The following CELF2 variants were observed in gnomAD, a reference collection of about 807,000 sequenced individuals.
CELF2 encodes CUGBP Elav-like family member 2, also known as CUG triplet repeat RNA-binding protein 2.
CELF2 carries 8 observed loss-of-function variants against 62.6 expected under a neutral mutation model. That is an observed-to-expected ratio of 0.13 (90% CI 0.07 to 0.23). The LOEUF is 0.23. CELF2 is among the 10% of genes least tolerant of loss of function. The probability of loss-of-function intolerance (pLI) is 1.00; values close to 1 mark genes in which losing one functional copy is unlikely to be tolerated. For missense variants in CELF2, 333 were observed against 671.0 expected (o/e 0.50, Z 5.56); for synonymous variants, 258 against 250.0 (o/e 1.03, Z -0.30).
intron 1 of CELF2, among the ~76,000 whole-genome samples, chr10:10,893,153 C>A (rs1319853285): frequency 1.3e-5 from 2 of 152,172 alleles, no homozygotes; most frequent in African/African-American, 4.8e-5. Context: ...CAGCCCAAAT[C>A]CCAATGAGGG....
rs2061489296 is a variant in CELF2 at position 11,039,588 on chromosome 10, C to A, written c.74+21425C>A. Reference sequence around the variant, plus strand: ...CATCTTATTTTGTAAGCTTTACACGCTTCTAATGCATGTTACTGAAAACAA... The same window carrying A: ...CATCTTATTTTGTAAGCTTTACACGATTCTAATGCATGTTACTGAAAACAA... On this transcript the variant is annotated intron_variant, in intron 1 of 12. Coordinates refer to ENST00000633077, the MANE Select transcript of CELF2 (RefSeq NM_001326342.2). The surrounding 1 kb of genome is among the most constrained non-coding windows in gnomAD (Gnocchi z 4.1). Among the ~76,000 whole-genome samples, 1 of 152,112 alleles carries A rather than the reference C, an allele frequency of 6.6e-6. No individual in the cohort carries two copies. The highest frequency in any genetic ancestry group is 1.5e-5 in the Non-Finnish European group (1 of 68,020).
rs2065145136 is a variant in CELF2 at position 11,159,163 on chromosome 10, A to T, written c.75-6323A>T. On this transcript the variant is annotated intron_variant, in intron 1 of 12. Transcript: ENST00000633077. This position sits in a 1 kb window ranked among gnomAD's most constrained non-coding sequence, Gnocchi z 5.0. ...TCCATAATTTATGTGGCAGTGACTC[A>T]AAAGGTTTAGTACACATGATAAATG... is the stretch of plus-strand genomic sequence containing the variant. Among the ~76,000 whole-genome samples the T allele has an allele frequency of 1.3e-5, 2 of 152,248 alleles. No individual in the cohort carries two copies. Among genetic ancestry groups the T allele is most frequent in the African/African-American group, 4.8e-5 (2 of 41,470 alleles).
chr10:11,124,639 C>T (rs1227986644), intron 1 of CELF2, among the ~76,000 whole-genome samples: 1 of 152,144 alleles, frequency 6.6e-6, no homozygotes, highest in East Asian at 1.9e-4. Flanking sequence ...AAGCATCTGT[C>T]CCACATGCAT....
chr10:10,581,349 G>A, the CELF2 span, among the ~76,000 whole-genome samples: 9 of 152,156 alleles, frequency 5.9e-5, no homozygotes, highest in East Asian at 3.9e-4. Context: ...GAAAACTGCC[G>A]ATTTTGATCC....
the CELF2 span, among the ~76,000 whole-genome samples, chr10:10,561,639 C>A: frequency 0.029 from 4,384 of 152,194 alleles, 137 homozygotes; most frequent in East Asian, 0.096. Flanking sequence ...CAGATGGGGA[C>A]AACACCACTG....
chr10:11,078,941 A>G (rs1033016681), intron 1 of CELF2, among the ~76,000 whole-genome samples: 5 of 152,224 alleles, frequency 3.3e-5, no homozygotes, highest in African/African-American at 1.2e-4. Context: ...TGTTGGACCC[A>G]AAGAGATTTG....
the CELF2 span, among the ~76,000 whole-genome samples, chr10:10,604,474 T>G: frequency 1.3e-5 from 2 of 152,210 alleles, no homozygotes; most frequent in African/African-American, 2.4e-5. Context: ...GTAATAATTC[T>G]CAGAATCATT....
chr10:10,689,741 A>G, the CELF2 span, among the ~76,000 whole-genome samples: 1 of 152,320 alleles, frequency 6.6e-6, no homozygotes, highest in Non-Finnish European at 1.5e-5. Context: ...CTCCTCAAAC[A>G]AAGCCCTCTA....
In CELF2 at chr10:11,223,613, G is replaced by T. The variant is rs1402480718; in HGVS notation, c.354+6106G>T. ...TTGGAGATGACTTTTTAAGGACTGT[G>T]ACAGAGAGTAGCAGGGGGAGCTCCG... is the stretch of plus-strand genomic sequence containing the variant. On this transcript the variant is annotated intron_variant, in intron 3 of 12. Transcript: ENST00000633077. This position sits in a 1 kb window ranked among gnomAD's most constrained non-coding sequence, Gnocchi z 5.1. Among the ~76,000 whole-genome samples the T allele has an allele frequency of 6.6e-6, 1 of 152,210 alleles. No individual in the cohort carries two copies. Among genetic ancestry groups the T allele is most frequent in the African/African-American group, 2.4e-5 (1 of 41,444 alleles).
At chr10:10,952,410 C>T (rs2048421579) in intron 2 of CELF2, among the ~76,000 whole-genome samples, 1 of 152,088 alleles carries the variant, frequency 6.6e-6, no homozygotes, top group Non-Finnish European at 1.5e-5. Context: ...AGGGCTGGAG[C>T]CTCTTGAGGT....
the CELF2 span, among the ~76,000 whole-genome samples, chr10:10,465,540 T>A: frequency 6.6e-6 from 1 of 152,120 alleles, no homozygotes; most frequent in African/African-American, 2.4e-5. Context: ...ATGTAAGTAG[T>A]CTTAACAGCT....
chr10:10,496,618 C>T, the CELF2 span, among the ~76,000 whole-genome samples: 1 of 152,022 alleles, frequency 6.6e-6, no homozygotes, highest in Non-Finnish European at 1.5e-5. Flanking sequence ...AAGGAGGTCA[C>T]CAGACAGAAG....
In CELF2 at chr10:11,255,010, C is replaced by T. The variant is rs891910500; in HGVS notation, c.404-2728C>T. ...CAGAATCCTCCCATGTTAGTGAGCA[C>T]AGGCGGTGTAGACGGCCTGCAGCAG... On this transcript the variant is annotated intron_variant, in intron 4 of 12. Transcript: ENST00000633077. The surrounding 1 kb of genome is among the most constrained non-coding windows in gnomAD (Gnocchi z 5.5). 6.6e-6 allele frequency among the ~76,000 whole-genome samples: 1 copy of T among 152,212 alleles called. No individual in the cohort carries two copies. Among genetic ancestry groups the T allele is most frequent in the Non-Finnish European group, 1.5e-5 (1 of 68,038 alleles).
chr10:10,998,997 C>T (rs993998817), intron 2 of CELF2, among the ~76,000 whole-genome samples: 4 of 152,136 alleles, frequency 2.6e-5, no homozygotes, highest in African/African-American at 7.2e-5. Flanking sequence ...TTTCAACGTA[C>T]CCATATAAAT....
intron 3 of CELF2, among the ~76,000 whole-genome samples, chr10:11,240,744 T>C (rs2073562976): frequency 1.3e-5 from 2 of 152,216 alleles, no homozygotes; most frequent in African/African-American, 4.8e-5. Context: ...TGCACACACA[T>C]ATAAAGTATG....
the CELF2 span, among the ~76,000 whole-genome samples, chr10:10,744,763 T>G: frequency 6.6e-6 from 1 of 152,144 alleles, no homozygotes; most frequent in African/African-American, 2.4e-5. Flanking sequence ...GGTCAATTGT[T>G]ATTAATTTTG....
In CELF2 at chr10:11,196,907, C is replaced by T. The variant is rs560257929; in HGVS notation, c.272-20518C>T. Among the ~76,000 whole-genome samples the T allele has an allele frequency of 1.3e-3, 192 of 147,928 alleles. 2 individuals carry two copies. The highest frequency in any genetic ancestry group is 4.6e-3 in the African/African-American group (184 of 39,838). Reference sequence around the variant, plus strand: ...CTGGGAGGCGGAGGTTGCAGTGAGCCGAGATCGCACCACTGCACTCCAGCC... The same window carrying T: ...CTGGGAGGCGGAGGTTGCAGTGAGCTGAGATCGCACCACTGCACTCCAGCC... On this transcript the variant is annotated intron_variant, in intron 2 of 12. Transcript: ENST00000633077.
chr10:11,150,704 T>A (rs919055983), intron 1 of CELF2, among the ~76,000 whole-genome samples: 7 of 152,362 alleles, frequency 4.6e-5, no homozygotes, highest in African/African-American at 1.7e-4. Context: ...ACTTTTGCAT[T>A]TGCTTTTGAA....
the CELF2 span, among the ~76,000 whole-genome samples, chr10:10,719,431 T>G: frequency 5.3e-5 from 8 of 152,168 alleles, no homozygotes; most frequent in Admixed American, 2.0e-4. Context: ...GCTAATTTTT[T>G]TTGTTGTTGT....
Sources: allele counts gnomAD v4.1 joint callset (sites outside exome capture counted in the v4.1 genomes callset), GRCh38; gene constraint gnomAD v4.1.1; non-coding constraint Gnocchi (gnomAD v3.1); transcripts MANE v1.5; gene names NCBI Gene and HGNC (gene_info 2026-07-23, HGNC 2026-07-21).